Variants in ANK2 observed in about 807,000 individuals in gnomAD.
ANK2 encodes the protein ankyrin 2.
In ANK2, 83 loss-of-function variants were observed where a neutral mutation model predicts 360.5. The observed-to-expected ratio is 0.23, with a 90% CI of 0.19 to 0.28. The LOEUF is 0.28. Ranked by LOEUF, ANK2 falls within the 10% of genes least tolerant of loss-of-function variation. The pLI is 1.00. For missense variants in ANK2, 4,201 were observed against 4,795.7 expected (o/e 0.88, Z 3.66); for synonymous variants, 1,740 against 1,759.5 (o/e 0.99, Z 0.28).
Position 113,357,226 on chromosome 4 carries a change from T to G in ANK2, c.8608T>G (p.Ser2870Ala). ...AGATGAAGACATATCTGCCACATCT[T>G]CTATTCAAAAAACAGAGGTCACAAA... ...ELDEDISATS[S>A]IQKTEVTKTD... The change falls in exon 38 of 46, where the codon TCT (serine) becomes GCT (alanine). Residue 2870 changes from serine to alanine, a missense_variant. Around this residue, in one of 4 missense-constraint regions of ANK2, gnomAD observed 2,642 missense variants for 2,714.5 expected, o/e 0.97. Transcript: ENST00000357077. The G allele has an allele frequency of 6.2e-7, 1 of 1,614,044 alleles. No homozygotes were observed. Among genetic ancestry groups the G allele is most frequent in the Non-Finnish European group, 8.5e-7 (1 of 1,179,988 alleles).
At chr4:112,941,410 A>C (rs1034106691) in intron 2 of ANK2, among the ~76,000 whole-genome samples, 1 of 145,006 alleles carries the variant, frequency 6.9e-6, no homozygotes, top group Non-Finnish European at 1.5e-5. Context: ...TATGAACCTA[A>C]TTAGTTAAAA....
intron 9 of ANK2, among the ~76,000 whole-genome samples, chr4:113,247,192 C>T (rs912188923): frequency 2.7e-5 from 4 of 148,584 alleles, no homozygotes; most frequent in African/African-American, 9.9e-5. Flanking sequence ...AGAGAAAACA[C>T]AAGGGGTCTC....
intron 26 of ANK2, among the ~76,000 whole-genome samples, chr4:113,328,600 A>C (rs886325208): frequency 6.6e-6 from 1 of 152,354 alleles, no homozygotes; most frequent in East Asian, 1.9e-4. Context: ...TCAACACTTC[A>C]GTACTGAACT....
chr4:113,099,193 G>A (rs1432672761), intron 1 of ANK2, among the ~76,000 whole-genome samples: 1 of 151,712 alleles, frequency 6.6e-6, no homozygotes, highest in Non-Finnish European at 1.5e-5. Flanking sequence ...AGATATATTG[G>A]GAAAAAAGAA....
At chr4:113,195,794 T>C (rs1446984983) in intron 2 of ANK2, among the ~76,000 whole-genome samples, 2 of 152,254 alleles carry the variant, frequency 1.3e-5, no homozygotes, top group African/African-American at 4.8e-5. Flanking sequence ...TTGTTCTTGA[T>C]TTTTAAAATC....
At chr4:113,297,988 G>A (rs770981772) in intron 22 of ANK2, among the ~76,000 whole-genome samples, 7 of 151,926 alleles carry the variant, frequency 4.6e-5, no homozygotes, top group Middle Eastern at 3.2e-3. Flanking sequence ...GTTTTGCCAC[G>A]TTGTCCAGGC....
Position 113,358,017 on chromosome 4 carries a change from A to G in ANK2, c.9399A>G (p.Gln3133=), listed in dbSNP as rs748412755. ...SYADESFHFF[Q]IGQESREETL... Reference sequence around the variant, plus strand: ...CAGATGAAAGTTTTCACTTTTTCCAAATTGGTCAAGAATCCAGGGAAGAGA... The same window carrying G: ...CAGATGAAAGTTTTCACTTTTTCCAGATTGGTCAAGAATCCAGGGAAGAGA... Residue 3133 remains glutamine, a synonymous_variant, in exon 38 of 46, where the codon CAA becomes CAG. Coordinates refer to ENST00000357077, the MANE Select transcript of ANK2 (RefSeq NM_001148.6). 1.2e-6 allele frequency: 2 copies of G among 1,614,012 alleles called. No homozygotes were observed. Among genetic ancestry groups the G allele is most frequent in the East Asian group, 2.2e-5 (1 of 44,850 alleles).
At chr4:112,885,432 G>A (rs1229273379) in intron 1 of ANK2, among the ~76,000 whole-genome samples, 1 of 150,404 alleles carries the variant, frequency 6.6e-6, no homozygotes, top group Non-Finnish European at 1.5e-5. Flanking sequence ...CCGGGAAGCC[G>A]AGGTTGCAGT....
chr4:113,255,657 A>G, intron 10 of ANK2, 78 bp from the exon 11 acceptor site: 7 of 1,477,794 alleles, frequency 4.7e-6, no homozygotes, highest in Non-Finnish European at 5.6e-6. Flanking sequence ...GAGATCAAGA[A>G]TCAACTTTGC....
rs1011667357 is a variant in ANK2 at position 112,833,217 on chromosome 4, A to G, written c.-40+14953A>G. Among the ~76,000 whole-genome samples the G allele has an allele frequency of 6.6e-5, 10 of 152,272 alleles. 2 individuals carry two copies. The South Asian group carries it at 2.1e-3, about 31-fold the overall frequency. ...TAAAAAGTTTTAAACAGAATAAGCC[A>G]AACATGAGGTAGTGGGTAAGGGGAG... is the stretch of plus-strand genomic sequence containing the variant. On this transcript the variant is annotated intron_variant, in intron 1 of 30. Coordinates refer to the ANK2 transcript ENST00000503271.
chr4:113,320,088 T>C (rs1468097235), intron 26 of ANK2, among the ~76,000 whole-genome samples: 1 of 152,210 alleles, frequency 6.6e-6, no homozygotes, highest in African/African-American at 2.4e-5. Context: ...TAAAAGAAGT[T>C]CTTTCATTAC....
chr4:113,243,008 T>A (rs2040829378), intron 9 of ANK2, among the ~76,000 whole-genome samples: 1 of 152,176 alleles, frequency 6.6e-6, no homozygotes, highest in Non-Finnish European at 1.5e-5. Flanking sequence ...ATTTACCATT[T>A]TTGAAAAAGC....
At position 113,357,373 on chromosome 4, in the gene ANK2, A is replaced by G. The variant is rs754631244; in HGVS notation, c.8755A>G (p.Ile2919Val). The change falls in exon 38 of 46, where the codon ATC becomes GTC. Residue 2919 changes from isoleucine (I) to valine (V), a missense_variant. By Grantham distance (29) the Ile-to-Val change is conservative (BLOSUM62 3). Transcript: ENST00000357077. ...GTCTGACCTAGCTGAGAATGATGAA[A>G]TCTATGATCCACAAATCACTAGCCC... ...PVSDLAENDEIYDPQITSPYE... is the reference protein window; with the variant it reads ...PVSDLAENDEVYDPQITSPYE... 9.3e-6 allele frequency: 15 copies of G among 1,613,920 alleles called. No homozygotes were observed. In the South Asian group the frequency reaches 1.6e-4, roughly 18 times the overall value.
intron 2 of ANK2, among the ~76,000 whole-genome samples, chr4:112,966,054 C>T (rs1279760992): frequency 6.6e-6 from 1 of 151,680 alleles, no homozygotes; most frequent in Non-Finnish European, 1.5e-5. Flanking sequence ...TATATTTTCA[C>T]ATTGTTAGGT....
chr4:112,871,809 G>A (rs1446873560), intron 1 of ANK2, among the ~76,000 whole-genome samples: 1 of 152,024 alleles, frequency 6.6e-6, no homozygotes, highest in East Asian at 1.9e-4. Context: ...ACTAAGAAAG[G>A]GTGTTAGATT....
chr4:112,779,155 A>G, the ANK2 span, among the ~76,000 whole-genome samples: 1 of 152,112 alleles, frequency 6.6e-6, no homozygotes, highest in Non-Finnish European at 1.5e-5. Flanking sequence ...GTCCTGGTAT[A>G]TTTTTTAATG....
rs1562439510 is a variant in ANK2 at position 113,151,189 on chromosome 4, A to T, written c.85-23227A>T. On this transcript the variant is annotated intron_variant, in intron 1 of 45. Coordinates refer to ENST00000357077, the MANE Select transcript of ANK2 (RefSeq NM_001148.6). ...CGTTGGTAACTAAGAAGTTTTAATT[A>T]TAACCTTCTGCTCAAAAAAGGAATG... The T allele has an allele frequency of 3.3e-6, 4 of 1,211,614 alleles. No homozygotes were observed. The Admixed American group carries it at 9.9e-5, about 30-fold the overall frequency. The allele number at this position is 1,211,614 out of a possible 1,614,324, so 75.1% of individuals were successfully genotyped here. A position where few individuals can be genotyped will look rare whatever the true frequency, so the allele number is the denominator to read the frequency against.
At chr4:112,744,321 G>A in the ANK2 span, among the ~76,000 whole-genome samples, 1 of 150,106 alleles carries the variant, frequency 6.7e-6, no homozygotes, top group Non-Finnish European at 1.5e-5. Flanking sequence ...AGTTTTTCAC[G>A]TTACCTATAA....
chr4:113,253,176 CA>C (rs1302260236), intron 10 of ANK2, among the ~76,000 whole-genome samples: 1 of 152,150 alleles, frequency 6.6e-6, no homozygotes, highest in Non-Finnish European at 1.5e-5. Context: ...CCTGTCTTCT[CA>C]AAACACTTTC....
Sources: gnomAD v4.1 joint callset for allele counts (sites outside exome capture counted in the v4.1 genomes callset) on GRCh38, gnomAD v4.1.1 for gene constraint, gnomAD v4.1.1 regional missense constraint, MANE v1.5 for transcripts, NCBI Gene and HGNC (gene_info 2026-07-23, HGNC 2026-07-21) for gene names.